Variants in ABCD2 observed in about 807,000 individuals in gnomAD.
ABCD2 encodes the protein ATP binding cassette subfamily D member 2, also known as ATP-binding cassette sub-family D member 2.
Under a neutral mutation model 70.9 loss-of-function variants are expected in ABCD2, and 36 were observed. That is an observed-to-expected ratio of 0.51 (90% CI 0.39 to 0.67). ABCD2 has a LOEUF of 0.67. Among genes scored for constraint, ABCD2 ranks in the 30% least tolerant of loss-of-function variants. ABCD2 has a pLI of 0.00. For synonymous variants in ABCD2, 304 were observed against 306.9 expected (o/e 0.99, Z 0.10); for missense variants, 729 against 890.2 (o/e 0.82, Z 2.30).
intron 3 of ABCD2, 148 bp from the exon 4 acceptor site, chr12:39,605,078 A>G: frequency 2.0e-6 from 1 of 502,468 alleles, no homozygotes; most frequent in Non-Finnish European, 3.3e-6. Context: ...GAAAACTAAA[A>G]CACATGACAG....
At chr12:39,600,371 GA>G (rs1202545593) in intron 6 of ABCD2, among the ~76,000 whole-genome samples, 199 bp downstream of exon 6, 1 of 151,822 alleles carries the variant, frequency 6.6e-6, no homozygotes, top group Non-Finnish European at 1.5e-5. Context: ...ATGTGAAAAT[GA>G]AAAAAAGTGG....
chr12:39,533,163 C>G, the ABCD2 span, among the ~76,000 whole-genome samples: 2 of 150,742 alleles, frequency 1.3e-5, no homozygotes, highest in East Asian at 3.9e-4. Context: ...ACGACTCTGT[C>G]TCAAAAAAAA....
rs192700760 is a variant in ABCD2 at position 39,574,181 on chromosome 12, G to C, written c.1878-340C>G. Among the ~76,000 whole-genome samples the C allele has an allele frequency of 6.6e-3, 1,004 of 152,208 alleles. 7 individuals are homozygous for C. Among genetic ancestry groups the C allele is most frequent in the South Asian group, 0.017 (81 of 4,828 alleles). ...AAAGCAGGTTCATTGTTGGTGAGAA[G>C]GGTCTGACTAACTACATGAAAAATA... On this transcript the variant is annotated intron_variant, in intron 8 of 9. Coordinates refer to ENST00000308666, the MANE Select transcript of ABCD2 (RefSeq NM_005164.4).
At chr12:39,592,816 C>T (rs1410809109) in intron 6 of ABCD2, among the ~76,000 whole-genome samples, 3 of 152,206 alleles carry the variant, frequency 2.0e-5, no homozygotes, top group Admixed American at 6.5e-5. Context: ...GAGGTGCACC[C>T]TGTTTGCCTT....
intron 2 of ABCD2, among the ~76,000 whole-genome samples, chr12:39,609,070 A>C (rs1174220812): frequency 6.6e-6 from 1 of 152,136 alleles, no homozygotes; most frequent in East Asian, 1.9e-4. Flanking sequence ...GTGGACTATA[A>C]TTTCTTTGAA....
the ABCD2 span, among the ~76,000 whole-genome samples, chr12:39,536,047 G>A: frequency 5.3e-5 from 8 of 152,198 alleles, no homozygotes; most frequent in East Asian, 7.7e-4. Context: ...CCGAGATCGC[G>A]TCACCGCACT....
intron 6 of ABCD2, among the ~76,000 whole-genome samples, chr12:39,594,224 A>G (rs1448536102): frequency 6.6e-6 from 1 of 152,202 alleles, no homozygotes; most frequent in Admixed American, 6.5e-5. Context: ...GGTAAGGCAC[A>G]TCTGAGTTCA....
chr12:39,588,484 C>G (rs554048859), intron 6 of ABCD2, among the ~76,000 whole-genome samples: 76 of 152,218 alleles, frequency 5.0e-4, no homozygotes, highest in African/African-American at 1.8e-3. Flanking sequence ...GGAGTTACTG[C>G]CGCCACAAAC....
chr12:39,554,526 G>T (rs1941133072), intron 9 of ABCD2, among the ~76,000 whole-genome samples: 1 of 151,884 alleles, frequency 6.6e-6, no homozygotes, highest in African/African-American at 2.4e-5. Context: ...GGAAAATAAA[G>T]GAAATACAAT....
intron 3 of ABCD2, among the ~76,000 whole-genome samples, chr12:39,606,039 G>T (rs1244044226): frequency 6.6e-6 from 1 of 152,090 alleles, no homozygotes; most frequent in Admixed American, 6.6e-5. Context: ...GAGTTGTCAA[G>T]TAGAGGAAAA....
At chr12:39,572,402 G>A (rs987699999) in intron 9 of ABCD2, among the ~76,000 whole-genome samples, 1 of 152,162 alleles carries the variant, frequency 6.6e-6, no homozygotes, top group Admixed American at 6.5e-5. Flanking sequence ...AAAGATCTAG[G>A]TCCTGTTGGT....
chr12:39,595,371 T>C (rs1292576915), intron 6 of ABCD2, among the ~76,000 whole-genome samples: 1 of 152,222 alleles, frequency 6.6e-6, no homozygotes, highest in Non-Finnish European at 1.5e-5. Context: ...AAGTAAAGTA[T>C]GTAGTCCCTT....
intron 8 of ABCD2, 133 bp from the exon 9 acceptor site, chr12:39,573,974 T>A: frequency 2.5e-6 from 2 of 805,982 alleles, no homozygotes; most frequent in Non-Finnish European, 3.7e-6. Context: ...AGGCAATAAA[T>A]GATAAAGCAA....
At chr12:39,540,985 T>C in the ABCD2 span, among the ~76,000 whole-genome samples, 1 of 152,220 alleles carries the variant, frequency 6.6e-6, no homozygotes, top group African/African-American at 2.4e-5. Context: ...TCAGAATAAA[T>C]GTCTTCAAAT....
chr12:39,565,896 T>G (rs1240087837), intron 9 of ABCD2, among the ~76,000 whole-genome samples: 1 of 152,214 alleles, frequency 6.6e-6, no homozygotes, highest in Non-Finnish European at 1.5e-5. Flanking sequence ...TCTTATGGTT[T>G]TTGTCATTGG....
At chr12:39,542,461 CAA>C in the ABCD2 span, among the ~76,000 whole-genome samples, 24 of 83,000 alleles carry the variant, frequency 2.9e-4, no homozygotes, top group Middle Eastern at 0.01. Context: ...GACTCCATCT[CAA>C]AAAAAAAAAA....
intron 9 of ABCD2, among the ~76,000 whole-genome samples, chr12:39,565,645 G>A (rs1446280353): frequency 6.6e-6 from 1 of 152,016 alleles, no homozygotes; most frequent in Non-Finnish European, 1.5e-5. Flanking sequence ...GATTGCCCTG[G>A]CCAGAACTTC....
At chr12:39,590,373 G>C (rs892466289) in intron 6 of ABCD2, among the ~76,000 whole-genome samples, 10 of 152,258 alleles carry the variant, frequency 6.6e-5, no homozygotes, top group East Asian at 1.9e-4. Context: ...GAAATGGTCA[G>C]ATTGCTCCTC....
At chr12:39,562,464 G>T (rs1367280346) in intron 9 of ABCD2, among the ~76,000 whole-genome samples, 1 of 151,884 alleles carries the variant, frequency 6.6e-6, no homozygotes, top group East Asian at 1.9e-4. Context: ...AAAAAAGAAA[G>T]AAGATTCAAA....
Sources: gnomAD v4.1 joint callset for allele counts (sites outside exome capture counted in the v4.1 genomes callset) on GRCh38, gnomAD v4.1.1 for gene constraint, MANE v1.5 for transcripts, NCBI Gene and HGNC (gene_info 2026-07-23, HGNC 2026-07-21) for gene names.